The following PDE10A variants were observed in gnomAD, a reference collection of about 807,000 sequenced individuals.
PDE10A encodes cAMP and cAMP-inhibited cGMP 3',5'-cyclic phosphodiesterase 10A.
A neutral mutation model predicts 97.7 loss-of-function variants in PDE10A; 39 were observed. The ratio of observed to expected loss-of-function variants is 0.40; its 90% CI spans 0.31 to 0.52. The LOEUF (loss-of-function observed/expected upper bound fraction) is 0.52, where lower values mean the gene tolerates loss of function less well. Among genes scored for constraint, PDE10A ranks in the 20% least tolerant of loss-of-function variants. The pLI is 0.56. For synonymous variants in PDE10A, 371 were observed against 376.8 expected, an observed-to-expected ratio of 0.98 and a Z score of 0.18; for missense variants, 731 against 1,047.8, an observed-to-expected ratio of 0.70 and a Z score of 4.17.
In PDE10A at chr6:165,418,892, T is replaced by C. The variant is rs1024637876; in HGVS notation, c.1654-115A>G. The C allele has an allele frequency of 1.5e-5, 11 of 728,234 alleles. No homozygotes were observed. Among genetic ancestry groups the C allele is most frequent in the African/African-American group, 1.4e-4 (8 of 55,606 alleles). The allele number at this position is 728,234 out of a possible 1,614,324, so 45.1% of individuals were successfully genotyped here. ...GCTGTCCTATACTCTAATTGGTTGG[T>C]ATTAGCATTATAAGTAAATAAATAT... On this transcript the variant is annotated intron_variant, in intron 10 of 21. Transcript: ENST00000539869. The surrounding 1 kb of genome is among the most constrained non-coding windows in gnomAD (Gnocchi z 4.8).
At chr6:165,887,866 T>C (rs1477088798) in intron 1 of PDE10A, among the ~76,000 whole-genome samples, 1 of 152,184 alleles carries the variant, frequency 6.6e-6, no homozygotes. Context: ...AATGACATCA[T>C]TACTTCTCTG....
At chr6:165,885,030 G>A (rs769015985) in intron 1 of PDE10A, among the ~76,000 whole-genome samples, 1 of 152,092 alleles carries the variant, frequency 6.6e-6, no homozygotes, top group Non-Finnish European at 1.5e-5. Flanking sequence ...CGCCCCTGCC[G>A]CCGTTTACCG....
At chr6:165,408,486 G>C (rs1026569452) in intron 13 of PDE10A, among the ~76,000 whole-genome samples, 2 of 152,108 alleles carry the variant, frequency 1.3e-5, no homozygotes, top group African/African-American at 4.8e-5. Context: ...TTGGGTCTTG[G>C]TCATTGGCAG....
Position 165,662,371 on chromosome 6 carries a change from G to A in PDE10A, c.441C>T (p.Gly147=), listed in dbSNP as rs373530370. ...HLPVRLPGRE[G]AAAAAAAGGG... ...CTCCCGCCGCCGCCGCCGCCGCTGC[G>A]CCCTCCCTTCCTGGGAGACGCACGG... The change falls in exon 1 of 22, where the codon GGC becomes GGT. Residue 147 remains glycine (G), a synonymous_variant. Transcript: ENST00000539869. 1.8e-4 allele frequency: 29 copies of A among 161,486 alleles called. No homozygotes were observed. In the East Asian group the frequency reaches 5.0e-3, roughly 28 times the overall value. The allele number at this position is 161,486 out of a possible 1,614,324, so 10.0% of individuals were successfully genotyped here.
At chr6:165,891,886 T>C (rs1562785367) in intron 1 of PDE10A, among the ~76,000 whole-genome samples, 1 of 152,042 alleles carries the variant, frequency 6.6e-6, no homozygotes, top group African/African-American at 2.4e-5. Context: ...ACCTTCGTGA[T>C]CACCCCCATA....
At chr6:165,500,166 C>T (rs1322076265) in intron 2 of PDE10A, among the ~76,000 whole-genome samples, 1 of 152,072 alleles carries the variant, frequency 6.6e-6, no homozygotes, top group African/African-American at 2.4e-5. Context: ...ACTGTATATA[C>T]ATACACACAC....
chr6:165,928,062 A>G (rs1482875167), intron 1 of PDE10A, among the ~76,000 whole-genome samples: 1 of 150,764 alleles, frequency 6.6e-6, no homozygotes, highest in Non-Finnish European at 1.5e-5. Context: ...ATTTATATGT[A>G]ATTAAACATA....
At chr6:165,573,661 A>C (rs961444640) in intron 1 of PDE10A, among the ~76,000 whole-genome samples, 6 of 152,260 alleles carry the variant, frequency 3.9e-5, no homozygotes, top group African/African-American at 1.4e-4. Flanking sequence ...TGTGTAATGA[A>C]TTGAATGTAT....
At chr6:165,814,079 G>A (rs1240128506) in intron 1 of PDE10A, among the ~76,000 whole-genome samples, 1 of 152,134 alleles carries the variant, frequency 6.6e-6, no homozygotes, top group African/African-American at 2.4e-5. Flanking sequence ...TTGATACAAA[G>A]GTGTCAAGGA....
rs139663469 is a variant in PDE10A, at chr6:165,904,619, G to A, written c.-615+82910C>T. On this transcript the variant is annotated intron_variant, in intron 1 of 19. Coordinates refer to the PDE10A transcript ENST00000366882. ...GTTTTCTAGGCAGCAAGATTTTTTG[G>A]AGGGCAAGGATCTCCTATACTTCAG... Among the ~76,000 whole-genome samples, 744 of 152,142 alleles carry A rather than the reference G, an allele frequency of 4.9e-3. 2 individuals carry two copies. The highest frequency in any genetic ancestry group is 0.017 in the African/African-American group (695 of 41,506).
chr6:165,639,806 G>A (rs1452336817), intron 1 of PDE10A, among the ~76,000 whole-genome samples: 1 of 150,228 alleles, frequency 6.7e-6, no homozygotes, highest in South Asian at 2.1e-4. Context: ...AGTGGCTCAC[G>A]CCTGTAATCC....
chr6:165,784,089 G>A (rs1339430017), intron 1 of PDE10A, among the ~76,000 whole-genome samples: 1 of 151,994 alleles, frequency 6.6e-6, no homozygotes. Flanking sequence ...GTTGTTGCAT[G>A]CACCTGTAGT....
chr6:165,749,449 TCAC>T (rs1792942683), intron 1 of PDE10A, among the ~76,000 whole-genome samples: 2 of 104,770 alleles, frequency 1.9e-5, no homozygotes, highest in Admixed American at 2.0e-4. Flanking sequence ...ATCACCACCA[TCAC>T]ATCACCATCA....
At chr6:165,614,043 T>G (rs1482223150) in intron 1 of PDE10A, among the ~76,000 whole-genome samples, 1 of 152,140 alleles carries the variant, frequency 6.6e-6, no homozygotes, top group Non-Finnish European at 1.5e-5. Flanking sequence ...GTGCAACCAT[T>G]AAGCACCAAG....
intron 1 of PDE10A, among the ~76,000 whole-genome samples, chr6:165,955,639 C>T (rs1784113695): frequency 6.6e-6 from 1 of 152,126 alleles, no homozygotes; most frequent in Non-Finnish European, 1.5e-5. Context: ...ATATGGGACA[C>T]ATATGGAAGT....
intron 1 of PDE10A, among the ~76,000 whole-genome samples, chr6:165,672,454 T>C (rs1790673744): frequency 6.6e-6 from 1 of 152,254 alleles, no homozygotes; most frequent in Non-Finnish European, 1.5e-5. Context: ...TGTAACTTAT[T>C]GAATACTGTC....
intron 1 of PDE10A, among the ~76,000 whole-genome samples, chr6:165,786,437 G>T (rs1322627219): frequency 2.0e-5 from 3 of 152,202 alleles, no homozygotes; most frequent in Admixed American, 6.6e-5. Context: ...TGAAGATAAA[G>T]TAAACTTAAC....
intron 1 of PDE10A, among the ~76,000 whole-genome samples, chr6:165,829,063 A>C (rs1583158920): frequency 6.6e-6 from 1 of 152,208 alleles, no homozygotes; most frequent in Admixed American, 6.5e-5. Flanking sequence ...GGTCCCCACC[A>C]AAAGAGAAAA....
intron 2 of PDE10A, among the ~76,000 whole-genome samples, chr6:165,532,605 T>A (rs1430707934): frequency 1.3e-5 from 2 of 151,958 alleles, no homozygotes; most frequent in African/African-American, 2.4e-5. Flanking sequence ...AGCATCAGAA[T>A]TACCTGGGGA....
Sources: gnomAD v4.1 joint callset for allele counts (sites outside exome capture counted in the v4.1 genomes callset) on GRCh38, gnomAD v4.1.1 for gene constraint, Gnocchi (gnomAD v3.1) non-coding constraint, MANE v1.5 for transcripts, NCBI Gene and HGNC (gene_info 2026-07-23, HGNC 2026-07-21) for gene names.